The following DYNC2H1 variants were observed in gnomAD, a reference collection of about 807,000 sequenced individuals.
The protein encoded by DYNC2H1 is cytoplasmic dynein 2 heavy chain 1.
DYNC2H1 carries 410 observed loss-of-function variants against 570.0 expected under a neutral mutation model. That is an observed-to-expected ratio of 0.72 (90% CI 0.66 to 0.78). The LOEUF (loss-of-function observed/expected upper bound fraction) is 0.78. DYNC2H1 is among the 30% of genes least tolerant of loss of function. The pLI, the probability that DYNC2H1 is intolerant of heterozygous loss-of-function variation, is 0.00. For synonymous variants in DYNC2H1, 1,688 were observed against 1,677.6 expected (o/e 1.01, Z -0.15); for missense variants, 4,865 against 5,046.4 (o/e 0.96, Z 1.09).
intron 85 of DYNC2H1, among the ~76,000 whole-genome samples, chr11:103,445,472 G>A (rs1228312639): frequency 1.3e-5 from 2 of 152,296 alleles, no homozygotes; most frequent in East Asian, 3.9e-4. Flanking sequence ...CGGAAAAAAA[G>A]AGGTTATTGC....
intron 84 of DYNC2H1, among the ~76,000 whole-genome samples, chr11:103,416,800 A>G (rs1943300431): frequency 8.3e-6 from 1 of 121,062 alleles, no homozygotes; most frequent in South Asian, 2.7e-4. Flanking sequence ...CTAATTAAAG[A>G]GTTGCTGCAC....
At chr11:103,260,588 T>A (rs1319079137) in intron 70 of DYNC2H1, among the ~76,000 whole-genome samples, 1 of 151,996 alleles carries the variant, frequency 6.6e-6, no homozygotes, top group East Asian at 1.9e-4. Flanking sequence ...TTTTAGATAT[T>A]AGAAAACGCA....
chr11:103,401,654 G>A (rs755255233), intron 84 of DYNC2H1, among the ~76,000 whole-genome samples: 5 of 152,024 alleles, frequency 3.3e-5, no homozygotes, highest in East Asian at 1.9e-4. Context: ...TCTAAACTTC[G>A]CTTTTCTCAT....
chr11:103,222,235 C>G lies in DYNC2H1; in HGVS notation c.9231+82C>G, dbSNP rs547953078. On this transcript the variant is annotated intron_variant, in intron 58 of 88. Transcript: ENST00000375735. The stretch of plus-strand genomic sequence containing the variant: ...TTTAAAATGTGGTGCTTTGTCATTG[C>G]CAACTGTTTAGATCACCTAAAAATG... The G allele has an allele frequency of 5.0e-6, 5 of 1,006,056 alleles. No individual in the cohort carries two copies. The South Asian group carries it at 7.0e-5, about 14-fold the overall frequency. 62.3% of individuals were successfully genotyped at this position (1,006,056 alleles called of 1,614,324 possible).
At position 103,199,350 on chromosome 11, in the gene DYNC2H1, A is replaced by T. The variant is rs776221065; in HGVS notation, c.7962A>T (p.Ala2654=). ...LSFPGGSLLL[A]GRSGVGRRTI... ...TCCCTGGAGGTTCACTTCTATTAGC[A>T]GGACGCAGTGGTGTAGGTCGTCGGA... Residue 2654 remains alanine, a synonymous_variant, in exon 49 of 89, where the codon GCA becomes GCT. Coordinates refer to ENST00000375735, the MANE Select transcript of DYNC2H1 (RefSeq NM_001377.3). This position sits in a 1 kb window ranked among gnomAD's most constrained non-coding sequence, Gnocchi z 4.6. The T allele has an allele frequency of 6.2e-7, 1 of 1,612,276 alleles. No individual in the cohort carries two copies. Among genetic ancestry groups the T allele is most frequent in the African/African-American group, 1.3e-5 (1 of 74,876 alleles).
At chr11:103,458,253 A>G (rs1005610849) in intron 87 of DYNC2H1, among the ~76,000 whole-genome samples, 10 of 152,160 alleles carry the variant, frequency 6.6e-5, no homozygotes, top group African/African-American at 2.4e-4. Context: ...CCAGTTGCCT[A>G]CAGTATTCAG....
intron 75 of DYNC2H1, among the ~76,000 whole-genome samples, chr11:103,290,332 A>G (rs1382540153): frequency 1.3e-5 from 2 of 152,144 alleles, no homozygotes; most frequent in African/African-American, 2.4e-5. Context: ...AATGATGAGT[A>G]TATGGAAATA....
At chr11:103,159,909 T>C (rs917682300) in intron 28 of DYNC2H1, among the ~76,000 whole-genome samples, 35 of 152,204 alleles carry the variant, frequency 2.3e-4, no homozygotes, top group African/African-American at 7.2e-4. Context: ...TTATGTATTG[T>C]TGTCTATACC....
chr11:103,301,465 CA>C (rs1356778269), intron 75 of DYNC2H1, among the ~76,000 whole-genome samples: 3 of 151,968 alleles, frequency 2.0e-5, no homozygotes, highest in Admixed American at 2.0e-4. Flanking sequence ...ATGCTTGAAT[CA>C]ATGGAAATAT....
chr11:103,247,784 G>A (rs535311035), intron 65 of DYNC2H1, among the ~76,000 whole-genome samples: 14 of 152,122 alleles, frequency 9.2e-5, no homozygotes, highest in African/African-American at 3.4e-4. Flanking sequence ...TCATTGTACA[G>A]AATATCCAAT....
chr11:103,335,860 G>T (rs1477294719), intron 82 of DYNC2H1, among the ~76,000 whole-genome samples: 1 of 152,084 alleles, frequency 6.6e-6, no homozygotes, highest in Non-Finnish European at 1.5e-5. Context: ...AATAAGAGAG[G>T]TTACTGTCAA....
intron 83 of DYNC2H1, among the ~76,000 whole-genome samples, chr11:103,372,314 C>T (rs1416331192): frequency 6.6e-6 from 1 of 152,124 alleles, no homozygotes; most frequent in African/African-American, 2.4e-5. Flanking sequence ...CCTCCGCGCC[C>T]AGCCTTTATC....
At chr11:103,208,158 G>A (rs1170192370) in intron 52 of DYNC2H1, among the ~76,000 whole-genome samples, 1 of 152,082 alleles carries the variant, frequency 6.6e-6, no homozygotes, top group East Asian at 1.9e-4. Flanking sequence ...ACAAAAGGTT[G>A]GTGGCTAAGA....
In DYNC2H1 at chr11:103,222,156, A is replaced by G. The variant is rs753582958; in HGVS notation, c.9231+3A>G. 5 of 1,524,742 alleles carry G rather than the reference A, an allele frequency of 3.3e-6. No homozygotes were observed. Among genetic ancestry groups the G allele is most frequent in the South Asian group, 1.2e-5 (1 of 80,738 alleles). 94.5% of individuals were successfully genotyped at this position (1,524,742 alleles called of 1,614,324 possible). A position where few individuals can be genotyped will look rare whatever the true frequency, so the allele number is the denominator to read the frequency against. Reference sequence around the variant, plus strand: ...ATAAAGGCTCTTTTGATCCAAAGGTAATTTTTAAGTTATACTATAAATTTG... The same window carrying G: ...ATAAAGGCTCTTTTGATCCAAAGGTGATTTTTAAGTTATACTATAAATTTG... On this transcript the variant is annotated splice_donor_region_variant and intron_variant, in intron 58 of 88. Transcript: ENST00000375735.
chr11:103,471,049 C>T (rs1430344947), intron 88 of DYNC2H1, among the ~76,000 whole-genome samples: 147 of 145,378 alleles, frequency 1.0e-3, no homozygotes, highest in South Asian at 2.0e-3. Flanking sequence ...AAAAGCATTC[C>T]TATTTCTCCA....
rs190732822 is a variant in DYNC2H1 at position 103,126,163 on chromosome 11, C to T, written c.1857+868C>T. Among the ~76,000 whole-genome samples, 24 of 152,294 alleles carry T rather than the reference C, an allele frequency of 1.6e-4. No individual in the cohort carries two copies. The East Asian group carries it at 4.4e-3, about 28-fold the overall frequency. On this transcript the variant is annotated intron_variant, in intron 12 of 88. Transcript: ENST00000375735. ...AACAAGGATTCATTGAATATCTACC[C>T]TGTCAGGCATAGCATAGGATATAAA...
chr11:103,174,142 G>A lies in DYNC2H1; in HGVS notation c.5646G>A (p.Gln1882=), dbSNP rs950118713. 3 of 1,582,402 alleles carry A rather than the reference G, an allele frequency of 1.9e-6. No homozygotes were observed. The East Asian group carries it at 6.9e-5, about 36-fold the overall frequency. ...VLRGSGNLLR[Q]LNKSGTTQNA... is the part of the protein sequence containing the mutation. ...GAGGAAGTGGAAATCTCCTTAGACA[G>A]CTAAACAAAAGTGGCACTACACAGA... Residue 1882 remains glutamine, a synonymous_variant, in exon 36 of 89, where the codon CAG becomes CAA. Coordinates refer to ENST00000375735, the MANE Select transcript of DYNC2H1 (RefSeq NM_001377.3).
At chr11:103,373,140 G>A (rs1941242423) in intron 83 of DYNC2H1, among the ~76,000 whole-genome samples, 1 of 152,064 alleles carries the variant, frequency 6.6e-6, no homozygotes, top group Admixed American at 6.6e-5. Flanking sequence ...TTTCCATGTT[G>A]TCCAGGCTGA....
At chr11:103,379,684 C>T (rs1591652906) in intron 83 of DYNC2H1, among the ~76,000 whole-genome samples, 1 of 152,162 alleles carries the variant, frequency 6.6e-6, no homozygotes, top group African/African-American at 2.4e-5. Context: ...TAAGCTTCTT[C>T]TATAGCAAAG....
Sources: allele counts gnomAD v4.1 joint callset (sites outside exome capture counted in the v4.1 genomes callset), GRCh38; gene constraint gnomAD v4.1.1; non-coding constraint Gnocchi (gnomAD v3.1); transcripts MANE v1.5; gene names NCBI Gene and HGNC (gene_info 2026-07-23, HGNC 2026-07-21).